EPHA3: variants seen among roughly 807,000 people sequenced by gnomAD.
The protein encoded by EPHA3 is ephrin type-A receptor 3.
EPHA3 carries 42 observed loss-of-function variants against 107.1 expected under a neutral mutation model. That is an observed-to-expected ratio of 0.39 (90% CI 0.31 to 0.51). EPHA3 has a LOEUF of 0.51. Among genes scored for constraint, EPHA3 ranks in the 20% least tolerant of loss-of-function variants. EPHA3 has a pLI of 0.78. For missense variants in EPHA3, 1,183 were observed against 1,211.2 expected (o/e 0.98, Z 0.35); for synonymous variants, 461 against 424.8 (o/e 1.09, Z -1.05).
intron 5 of EPHA3, among the ~76,000 whole-genome samples, chr3:89,385,619 T>C (rs2107491072): frequency 6.6e-6 from 1 of 152,302 alleles, no homozygotes; most frequent in East Asian, 1.9e-4. Flanking sequence ...TAGTTCTTTA[T>C]AGCAGTGTGA....
intron 3 of EPHA3, among the ~76,000 whole-genome samples, chr3:89,211,513 C>T (rs1447666937): frequency 2.6e-5 from 4 of 152,024 alleles, no homozygotes; most frequent in African/African-American, 9.7e-5. Flanking sequence ...TGTTCTACTC[C>T]TGATCGCATA....
At chr3:89,385,522 T>C (rs1559675356) in intron 5 of EPHA3, among the ~76,000 whole-genome samples, 1 of 152,228 alleles carries the variant, frequency 6.6e-6, no homozygotes, top group Non-Finnish European at 1.5e-5. Context: ...ACTTCTGCCA[T>C]GATTGTAAAT....
chr3:89,281,245 G>A (rs1363999328), intron 3 of EPHA3, among the ~76,000 whole-genome samples: 4 of 152,016 alleles, frequency 2.6e-5, no homozygotes, highest in African/African-American at 4.8e-5. Flanking sequence ...GGCTGGTCTC[G>A]AACTCCTGAG....
intron 5 of EPHA3, among the ~76,000 whole-genome samples, chr3:89,370,428 G>T (rs1395281169): frequency 8.6e-5 from 13 of 150,922 alleles, no homozygotes; most frequent in Admixed American, 8.0e-4. Context: ...AACACCGCAT[G>T]TTCTCACTCA....
rs995238704 is a variant in EPHA3 at position 89,341,925 on chromosome 3, C to T, written c.1141C>T (p.Arg381Cys). The T allele has an allele frequency of 7.4e-6, 12 of 1,613,220 alleles. No homozygotes were observed. The highest frequency in any genetic ancestry group is 3.3e-4 in the Middle Eastern group (2 of 6,082). Residue 381 changes from arginine (R) to cysteine (C), a missense_variant, in exon 5 of 17, where the codon CGC (arginine) becomes TGC (cysteine). Physicochemically the swap from Arg to Cys is radical, Grantham distance 180 (BLOSUM62 -3). Transcript: ENST00000336596. ...GTGTGAGCCATGCAGCCCAAATGTC[C>T]GCTTCCTCCCTCGACAGTTTGGACT... ...KQCEPCSPNV[R>C]FLPRQFGLTN...
At chr3:89,234,593 A>G (rs566825648) in intron 3 of EPHA3, among the ~76,000 whole-genome samples, 1 of 152,290 alleles carries the variant, frequency 6.6e-6, no homozygotes, top group East Asian at 1.9e-4. Flanking sequence ...GGTGAATTTC[A>G]GTAGTGTACT....
chr3:89,170,471 G>C (rs1390833990), intron 2 of EPHA3, among the ~76,000 whole-genome samples: 1 of 152,140 alleles, frequency 6.6e-6, no homozygotes, highest in East Asian at 1.9e-4. Context: ...ATGGAATAGC[G>C]GTGGTCTGGG....
intron 10 of EPHA3, among the ~76,000 whole-genome samples, chr3:89,416,517 G>T (rs1424090534): frequency 6.6e-6 from 1 of 151,096 alleles, no homozygotes; most frequent in Non-Finnish European, 1.5e-5. Flanking sequence ...CAACCATAAA[G>T]TTCAGCTATT....
At chr3:89,254,809 C>G (rs530073934) in intron 3 of EPHA3, among the ~76,000 whole-genome samples, 1 of 152,322 alleles carries the variant, frequency 6.6e-6, no homozygotes, top group Admixed American at 6.5e-5. Flanking sequence ...TTCAAGAGAG[C>G]TGGAAGCTTC....
At chr3:89,446,372 G>A (rs1355078415) in intron 13 of EPHA3, among the ~76,000 whole-genome samples, 1 of 152,102 alleles carries the variant, frequency 6.6e-6, no homozygotes, top group Non-Finnish European at 1.5e-5. Context: ...CCAAGCTTAA[G>A]CAGAAATATG....
At chr3:89,408,388 C>A (rs1709094153) in intron 9 of EPHA3, among the ~76,000 whole-genome samples, 1 of 152,064 alleles carries the variant, frequency 6.6e-6, no homozygotes, top group Non-Finnish European at 1.5e-5. Context: ...AACGCACATG[C>A]TAGGTAGTAG....
At chr3:89,135,602 T>A (rs544377772) in intron 2 of EPHA3, among the ~76,000 whole-genome samples, 46 of 152,040 alleles carry the variant, frequency 3.0e-4, no homozygotes, top group African/African-American at 9.1e-4. Context: ...TCTCTTTTAA[T>A]GGCATAAAAT....
chr3:89,468,860 T>A (rs1296331206), intron 15 of EPHA3, among the ~76,000 whole-genome samples: 4 of 152,176 alleles, frequency 2.6e-5, no homozygotes, highest in Non-Finnish European at 5.9e-5. Context: ...TATCTGTAAT[T>A]ACTCAAGTTC....
chr3:89,265,277 G>A (rs963426559), intron 3 of EPHA3, among the ~76,000 whole-genome samples: 4 of 152,066 alleles, frequency 2.6e-5, no homozygotes, highest in Non-Finnish European at 5.9e-5. Context: ...TTTATTTAGA[G>A]ATGCATCAAG....
In EPHA3 at chr3:89,472,494, T is replaced by C. The variant is rs73846185; in HGVS notation, c.2721T>C (p.Asn907=). The C allele has an allele frequency of 6.3e-3, 10,105 of 1,613,992 alleles. 578 individuals carry two copies. The African/African-American group carries it at 0.12, about 19-fold the overall frequency. ...CAAACCTTCTTCTGGACCAAAGCAA[T>C]GTGGATATCACTACCTTCCGCACAA... ...RPSNLLLDQS[N]VDITTFRTTG... The change falls in exon 16 of 17, where the codon AAT becomes AAC. Residue 907 remains asparagine, a synonymous_variant. Transcript: ENST00000336596.
At chr3:89,269,587 A>G (rs1705616649) in intron 3 of EPHA3, among the ~76,000 whole-genome samples, 1 of 151,270 alleles carries the variant, frequency 6.6e-6, no homozygotes, top group Admixed American at 6.6e-5. Context: ...AGCCAGAGTG[A>G]CAACAATTTT....
At chr3:89,177,307 G>C (rs1197447838) in intron 2 of EPHA3, among the ~76,000 whole-genome samples, 2 of 152,132 alleles carry the variant, frequency 1.3e-5, no homozygotes, top group African/African-American at 2.4e-5. Context: ...GCATGCCTTG[G>C]TGTGCACTGA....
chr3:89,400,636 CGTGTGT>C (rs57254382), intron 7 of EPHA3, among the ~76,000 whole-genome samples: 4 of 145,228 alleles, frequency 2.8e-5, no homozygotes, highest in African/African-American at 5.3e-5. Flanking sequence ...TGTGTGTGAG[CGTGTGT>C]GTGTGTGTGT....
chr3:89,136,837 C>A (rs1466489631), intron 2 of EPHA3, among the ~76,000 whole-genome samples: 1 of 151,662 alleles, frequency 6.6e-6, no homozygotes, highest in Non-Finnish European at 1.5e-5. Context: ...CATATATTTG[C>A]TATAATCATT....
Sources: gnomAD v4.1 joint callset for allele counts (sites outside exome capture counted in the v4.1 genomes callset) on GRCh38, gnomAD v4.1.1 for gene constraint, MANE v1.5 for transcripts, NCBI Gene and HGNC (gene_info 2026-07-23, HGNC 2026-07-21) for gene names.